EHD1: variants seen among roughly 807,000 people sequenced by gnomAD.
The protein encoded by EHD1 is EH domain containing 1, also known as EH domain-containing protein 1.
Under a neutral mutation model 39.0 loss-of-function variants are expected in EHD1, and 19 were observed. The observed-to-expected ratio is 0.49, with a 90% CI of 0.34 to 0.72. EHD1 has a LOEUF of 0.72. Ranked by LOEUF, EHD1 falls within the 30% of genes least tolerant of loss-of-function variation. EHD1 has a pLI of 0.01. For synonymous variants in EHD1, 323 were observed against 331.2 expected, an observed-to-expected ratio of 0.98 and a Z score of 0.27; for missense variants, 542 against 751.5, an observed-to-expected ratio of 0.72 and a Z score of 3.26.
intron 3 of EHD1, among the ~76,000 whole-genome samples, chr11:64,858,026 C>CTTTT (rs11327531): frequency 8.2e-6 from 1 of 121,810 alleles, no homozygotes; most frequent in Non-Finnish European, 1.8e-5. Flanking sequence ...CGGCAAGGGC[C>CTTTT]TTTTTTTTTT....
At chr11:64,864,616 G>A (rs915254957) in intron 2 of EHD1, among the ~76,000 whole-genome samples, 2 of 152,238 alleles carry the variant, frequency 1.3e-5, no homozygotes, top group African/African-American at 4.8e-5. Context: ...GGTCAGTACT[G>A]AAAAGGCGAT....
rs374489611 is a variant in EHD1 at position 64,855,492 on chromosome 11, A to G, written c.916-6T>C. 13 of 1,613,582 alleles carry G rather than the reference A, an allele frequency of 8.1e-6. No homozygotes were observed. The African/African-American group carries it at 1.6e-4, about 20-fold the overall frequency. ...CTGATGATGTAGGCGTGAACCTGTG[A>G]GGACGGGGTGAGCATCAGGCGCTCT... On this transcript the variant is annotated splice_polypyrimidine_tract_variant and splice_region_variant and intron_variant, in intron 3 of 4. Coordinates refer to ENST00000320631, the MANE Select transcript of EHD1 (RefSeq NM_006795.4).
At chr11:64,862,929 T>C (rs921698126) in intron 2 of EHD1, among the ~76,000 whole-genome samples, 5 of 152,238 alleles carry the variant, frequency 3.3e-5, no homozygotes, top group African/African-American at 1.2e-4. Flanking sequence ...GTAAAACTTC[T>C]GTCCCTCCCG....
At chr11:64,866,310 C>G (rs1943766102) in intron 2 of EHD1, among the ~76,000 whole-genome samples, 1 of 152,152 alleles carries the variant, frequency 6.6e-6, no homozygotes, top group Admixed American at 6.5e-5. Context: ...CTCACTCATC[C>G]ATGGGTGTGA....
In EHD1 at chr11:64,851,885, A is replaced by C. The variant is rs1009656913; in HGVS notation, c.*2448T>G. 6.6e-6 allele frequency: 1 copy of C among 152,204 alleles called. No homozygotes were observed. Among genetic ancestry groups the C allele is most frequent in the Non-Finnish European group, 1.5e-5 (1 of 68,032 alleles). 9.4% of individuals were successfully genotyped at this position (152,204 alleles called of 1,614,324 possible). The stretch of plus-strand genomic sequence containing the variant: ...GAAATGGGGGAACATGAACTTCCTC[A>C]GATCGTGACAGCGCAGCTCCACCTG... On this transcript the variant is annotated 3_prime_UTR_variant, in exon 5 of 5. Coordinates refer to ENST00000320631, the MANE Select transcript of EHD1 (RefSeq NM_006795.4).
At chr11:64,861,154 C>T (rs1943712512) in intron 2 of EHD1, among the ~76,000 whole-genome samples, 1 of 151,756 alleles carries the variant, frequency 6.6e-6, no homozygotes, top group South Asian at 2.1e-4. Context: ...CCACTGCAGT[C>T]CAGCCTGCGT....
At chr11:64,857,543 A>G (rs1349274455) in intron 3 of EHD1, among the ~76,000 whole-genome samples, 3 of 152,222 alleles carry the variant, frequency 2.0e-5, no homozygotes, top group Non-Finnish European at 4.4e-5. Flanking sequence ...TTCAGGCCAG[A>G]ATGAGAATTC....
chr11:64,856,844 G>A (rs146806945), intron 3 of EHD1, among the ~76,000 whole-genome samples: 304 of 152,342 alleles, frequency 2.0e-3, no homozygotes, highest in Non-Finnish European at 3.4e-3. Flanking sequence ...TTTTCCAGGC[G>A]CGGTGACTCA....
intron 3 of EHD1, among the ~76,000 whole-genome samples, chr11:64,859,039 C>T (rs901981591): frequency 1.3e-5 from 2 of 152,232 alleles, no homozygotes; most frequent in Non-Finnish European, 2.9e-5. Context: ...TGCCAGGCCC[C>T]CCCAGCCCTT....
intron 2 of EHD1, among the ~76,000 whole-genome samples, chr11:64,863,398 C>T (rs1943735347): frequency 6.6e-6 from 1 of 152,212 alleles, no homozygotes; most frequent in African/African-American, 2.4e-5. Flanking sequence ...CAGGGTCGCC[C>T]ACGGTGATGG....
chr11:64,872,248 G>A (rs1416696127), intron 2 of EHD1, among the ~76,000 whole-genome samples: 1 of 152,192 alleles, frequency 6.6e-6, no homozygotes, highest in African/African-American at 2.4e-5. Flanking sequence ...ATCACCTGAG[G>A]TCAGGAGTTC....
intron 3 of EHD1, among the ~76,000 whole-genome samples, chr11:64,858,619 C>T (rs1053059906): frequency 3.9e-5 from 6 of 152,250 alleles, no homozygotes; most frequent in Admixed American, 6.5e-5. Context: ...CTCCTGTCCA[C>T]GGGGTCAACC....
Position 64,854,546 on chromosome 11 carries a change from G to A in EHD1, c.1392C>T (p.Gly464=), listed in dbSNP as rs34740136. 4,730 of 1,614,128 alleles carry A rather than the reference G, an allele frequency of 2.9e-3. 99 individuals are homozygous for A. In the African/African-American group the frequency reaches 0.052, roughly 18 times the overall value. Residue 464 remains glycine, a synonymous_variant, in exon 5 of 5, where the codon GGC becomes GGT. Coordinates refer to ENST00000320631, the MANE Select transcript of EHD1 (RefSeq NM_006795.4). ...TCACCATCTCCTTCTTGGCGTTGGC[G>A]CCCGTGATCTTGCCGTTGACAGGGG... The part of the protein sequence containing the change: ...TLSPVNGKIT[G]ANAKKEMVKS...
rs1016799349 is a variant in EHD1, at chr11:64,860,263, G to A, written c.576C>T (p.His192=). 1.2e-6 allele frequency: 2 copies of A among 1,613,916 alleles called. No homozygotes were observed. The highest frequency in any genetic ancestry group is 1.7e-6 in the Non-Finnish European group (2 of 1,180,048). The part of the protein sequence containing the change: ...VDRIILLFDA[H]KLDISDEFSE... ...AGAACTCATCGGAGATGTCCAGCTTGTGGGCGTCGAAGAGCAGGATGATGC... is the reference window on the plus strand; with the variant it reads ...AGAACTCATCGGAGATGTCCAGCTTATGGGCGTCGAAGAGCAGGATGATGC... The change falls in exon 3 of 5, where the codon CAC becomes CAT. Residue 192 remains histidine, a synonymous_variant. Coordinates refer to ENST00000320631, the MANE Select transcript of EHD1 (RefSeq NM_006795.4).
intron 2 of EHD1, among the ~76,000 whole-genome samples, chr11:64,871,390 G>A (rs1486871563): frequency 3.9e-5 from 6 of 152,178 alleles, no homozygotes; most frequent in Non-Finnish European, 8.8e-5. Flanking sequence ...ACTGACGGGC[G>A]GGGCCTCCAG....
intron 3 of EHD1, among the ~76,000 whole-genome samples, chr11:64,859,101 G>T (rs1432520989): frequency 6.6e-6 from 1 of 152,152 alleles, no homozygotes; most frequent in African/African-American, 2.4e-5. Context: ...GCCTGTGCTC[G>T]CTCCGAGACG....
intron 2 of EHD1, among the ~76,000 whole-genome samples, chr11:64,860,553 T>G (rs956362900): frequency 4.0e-5 from 6 of 151,396 alleles, no homozygotes; most frequent in Non-Finnish European, 8.8e-5. Flanking sequence ...GCCAACATAG[T>G]GAAACCCTGT....
intron 2 of EHD1, among the ~76,000 whole-genome samples, chr11:64,862,136 G>A (rs1199852659): frequency 1.3e-5 from 2 of 152,136 alleles, no homozygotes; most frequent in African/African-American, 4.8e-5. Flanking sequence ...CTGAACTGCT[G>A]GGCTCAGAGA....
rs1488781438 is a variant in EHD1 at position 64,878,547 on chromosome 11, C to T, written c.-83G>A. The T allele has an allele frequency of 6.8e-7, 1 of 1,476,310 alleles. No homozygotes were observed. The highest frequency in any genetic ancestry group is 1.4e-5 in the African/African-American group (1 of 71,632). 91.5% of individuals were successfully genotyped at this position (1,476,310 alleles called of 1,614,324 possible). A position where few individuals can be genotyped will look rare whatever the true frequency, so the allele number is the denominator to read the frequency against. On this transcript the variant is annotated 5_prime_UTR_variant, in exon 1 of 5. Transcript: ENST00000320631. Reference sequence around the variant, plus strand: ...GGGTGCGGAGCCGAGGCGGGGCCGGCCGGGGCAGGGAATCGGGAGCGACCC... The same window carrying T: ...GGGTGCGGAGCCGAGGCGGGGCCGGTCGGGGCAGGGAATCGGGAGCGACCC...
Sources: gnomAD v4.1 joint callset for allele counts (sites outside exome capture counted in the v4.1 genomes callset) on GRCh38, gnomAD v4.1.1 for gene constraint, MANE v1.5 for transcripts, NCBI Gene and HGNC (gene_info 2026-07-23, HGNC 2026-07-21) for gene names.